The following FANCD2OS variants were observed in gnomAD, a reference collection of about 807,000 sequenced individuals.
FANCD2OS encodes the protein FANCD2 opposite strand protein.
A neutral mutation model predicts 13.2 loss-of-function variants in FANCD2OS; 11 were observed. The ratio of observed to expected loss-of-function variants is 0.83; its 90% confidence interval spans 0.52 to 1.38. The LOEUF is 1.38. Among genes scored for constraint, FANCD2OS ranks in the 40% most tolerant of loss-of-function variants. The pLI is 0.00. For missense variants in FANCD2OS, 217 were observed against 213.9 expected (o/e 1.01, Z -0.09); for synonymous variants, 69 against 84.5 (o/e 0.82, Z 1.01).
intron 2 of FANCD2OS, among the ~76,000 whole-genome samples, chr3:10,091,053 A>G (rs1694576763): frequency 6.6e-6 from 1 of 151,918 alleles, no homozygotes; most frequent in African/African-American, 2.4e-5. Context: ...ATAGGGAAGC[A>G]GAGAAGCTAC....
chr3:10,089,923 G>T (rs989916278), intron 2 of FANCD2OS, among the ~76,000 whole-genome samples: 38 of 152,282 alleles, frequency 2.5e-4, no homozygotes, highest in African/African-American at 8.7e-4. Flanking sequence ...TGATAATTCT[G>T]TGAGGTTGGT....
At chr3:10,095,278 A>C (rs1694886163) in intron 2 of FANCD2OS, 2 of 1,613,786 alleles carry the variant, frequency 1.2e-6, no homozygotes, top group East Asian at 2.2e-5. Context: ...TTCCAAGGTA[A>C]GAAGGGGAGC....
intron 2 of FANCD2OS, chr3:10,094,421 T>A (rs1055791361): frequency 4.9e-6 from 7 of 1,436,998 alleles, no homozygotes; most frequent in African/African-American, 4.2e-5. Flanking sequence ...AGAAGATATG[T>A]CCTTGGTGAC....
intron 2 of FANCD2OS, among the ~76,000 whole-genome samples, chr3:10,081,834 G>T (rs916898959): frequency 1.3e-5 from 2 of 152,098 alleles, no homozygotes; most frequent in African/African-American, 4.8e-5. Context: ...TGGGACTCAA[G>T]GGAACCCCAG....
chr3:10,086,779 G>T (rs148617630), intron 2 of FANCD2OS, among the ~76,000 whole-genome samples: 343 of 152,298 alleles, frequency 2.3e-3, no homozygotes, highest in African/African-American at 7.9e-3. Flanking sequence ...TGCCCGGCCT[G>T]TGAACCCAGA....
At chr3:10,099,307 A>G, downstream of FANCD2OS, 2 of 1,227,336 alleles carry the variant, frequency 1.6e-6, no homozygotes, top group Non-Finnish European at 2.1e-6. Flanking sequence ...GATGCTTTCG[A>G]CAATTTAAAG....
At chr3:10,096,211 G>A (rs935735430) in intron 2 of FANCD2OS, 26 of 1,013,936 alleles carry the variant, frequency 2.6e-5, no homozygotes, top group African/African-American at 4.7e-5. Context: ...GGAACATACC[G>A]TTGGCCCATA....
chr3:10,097,405 G>T (rs751981960), intron 2 of FANCD2OS, among the ~76,000 whole-genome samples: 1 of 152,156 alleles, frequency 6.6e-6, no homozygotes, highest in Admixed American at 6.5e-5. Context: ...ACCCGGGGGG[G>T]CCCAGTTCAG....
At chr3:10,103,404 A>G (rs534248257), downstream of FANCD2OS, among the ~76,000 whole-genome samples, 4 of 152,248 alleles carry the variant, frequency 2.6e-5, no homozygotes, top group East Asian at 7.7e-4. Context: ...CTCCATCTCA[A>G]AAAATAATAA....
intron 2 of FANCD2OS, chr3:10,094,329 T>C (rs1694825087): frequency 1.2e-6 from 2 of 1,614,086 alleles, no homozygotes; most frequent in Non-Finnish European, 1.7e-6. Flanking sequence ...AAGCAATGTA[T>C]GCCGCTCCTA....
chr3:10,107,547 A>G (rs1280051634), intron 1 of FANCD2OS, among the ~76,000 whole-genome samples: 1 of 151,378 alleles, frequency 6.6e-6, no homozygotes, highest in Non-Finnish European at 1.5e-5. Flanking sequence ...CGGCCTCCCA[A>G]AGTGCTGGGA....
intron 1 of FANCD2OS, among the ~76,000 whole-genome samples, chr3:10,106,181 T>G (rs1230328959): frequency 1.3e-5 from 2 of 152,118 alleles, no homozygotes; most frequent in African/African-American, 2.4e-5. Flanking sequence ...CAAAAAACTG[T>G]TAAAGATTTT....
rs371559678 is a variant in FANCD2OS at position 10,081,474 on chromosome 3, T to C, written c.*101A>G. 15 of 1,557,352 alleles carry C rather than the reference T, an allele frequency of 9.6e-6. No individual in the cohort carries two copies. Among genetic ancestry groups the C allele is most frequent in the Admixed American group, 1.7e-5 (1 of 59,910 alleles). On this transcript the variant is annotated 3_prime_UTR_variant, in exon 3 of 3. Coordinates refer to the FANCD2OS transcript ENST00000524279. ...ATGGGCTTTTTGCTTGGTAAGTATG[T>C]GGGAAGTGTGGAGAGAACTGAGTAT...
At chr3:10,090,563 A>T (rs1384067192) in intron 2 of FANCD2OS, among the ~76,000 whole-genome samples, 1 of 149,178 alleles carries the variant, frequency 6.7e-6, no homozygotes, top group Non-Finnish European at 1.5e-5. Context: ...GGTTCAAGCA[A>T]TTCTCCTGCC....
chr3:10,101,205 A>C, downstream of FANCD2OS: 1 of 1,613,266 alleles, frequency 6.2e-7, no homozygotes, highest in Non-Finnish European at 8.5e-7. Context: ...AAGAAGACGA[A>C]GTAAGTGCTG....
At chr3:10,099,846 G>A (rs1208524710), downstream of FANCD2OS, among the ~76,000 whole-genome samples, 1 of 152,196 alleles carries the variant, frequency 6.6e-6, no homozygotes, top group African/African-American at 2.4e-5. Flanking sequence ...AAGAACCCCT[G>A]CTGTGGGGCC....
Position 10,093,100 on chromosome 3 carries a change from CT to C in FANCD2OS, c.*43+11097del, listed in dbSNP as rs562880198. On this transcript the variant is annotated intron_variant, in intron 2 of 2. Coordinates refer to the FANCD2OS transcript ENST00000524279. ...TTTATTTCTCTTTGCTCGTCTCTTCCTTTTCTTGAACTTCAGTTGTGATAAT... is the reference window on the plus strand; with the variant it reads ...TTTATTTCTCTTTGCTCGTCTCTTCCTTTCTTGAACTTCAGTTGTGATAAT... Among the ~76,000 whole-genome samples the C allele has an allele frequency of 1.6e-3, 242 of 152,296 alleles. 3 individuals are homozygous for C. The highest frequency in any genetic ancestry group is 0.011 in the Admixed American group (170 of 15,292).
At chr3:10,102,473 A>T (rs183243092), downstream of FANCD2OS, among the ~76,000 whole-genome samples, 9 of 152,212 alleles carry the variant, frequency 5.9e-5, no homozygotes, top group South Asian at 2.1e-4. Flanking sequence ...GCCCAAAGAA[A>T]GTCAAAAGGA....
intron 1 of FANCD2OS, among the ~76,000 whole-genome samples, chr3:10,105,769 AAATTAT>A (rs1695466696): frequency 2.1e-5 from 1 of 47,196 alleles, no homozygotes; most frequent in African/African-American, 3.2e-4. Flanking sequence ...AAAAAAAAAA[AAATTAT>A]ATATATATAT....
Sources: gnomAD v4.1 joint callset for allele counts (sites outside exome capture counted in the v4.1 genomes callset) on GRCh38, gnomAD v4.1.1 for gene constraint, MANE v1.5 for transcripts, NCBI Gene and HGNC (gene_info 2026-07-23, HGNC 2026-07-21) for gene names.